Variants in ANK2 observed in about 807,000 individuals in gnomAD.
ANK2 encodes ankyrin 2.
Under a neutral mutation model 360.5 loss-of-function variants are expected in ANK2, and 83 were observed. The observed-to-expected ratio is 0.23, with a 90% CI of 0.19 to 0.28. The LOEUF is 0.28. ANK2 is among the 10% of genes least tolerant of loss of function. The probability of loss-of-function intolerance (pLI) is 1.00; values close to 1 mark genes in which losing one functional copy is unlikely to be tolerated. For synonymous variants in ANK2, 1,740 were observed against 1,759.5 expected (o/e 0.99, Z 0.28); for missense variants, 4,201 against 4,795.7 (o/e 0.88, Z 3.66).
chr4:113,190,984 G>A (rs1249484615), intron 2 of ANK2, among the ~76,000 whole-genome samples: 3 of 152,098 alleles, frequency 2.0e-5, no homozygotes, highest in Admixed American at 6.6e-5. Context: ...ATTTACCTAT[G>A]TAATCTTATA....
chr4:112,983,378 TAAA>T (rs55756054), intron 2 of ANK2, among the ~76,000 whole-genome samples: 5 of 143,298 alleles, frequency 3.5e-5, no homozygotes, highest in Admixed American at 7.0e-5. Flanking sequence ...ATTATTGGGT[TAAA>T]AAAAAAAAAA....
chr4:112,873,802 A>G (rs892596164), intron 1 of ANK2, among the ~76,000 whole-genome samples: 1 of 151,070 alleles, frequency 6.6e-6, no homozygotes, highest in African/African-American at 2.4e-5. Context: ...TCAGCCTCCC[A>G]AAGTGCTGGG....
At position 113,357,351 on chromosome 4, in the gene ANK2, T is replaced by C. The variant is rs1303684517; in HGVS notation, c.8733T>C (p.Ser2911=). The C allele has an allele frequency of 2.5e-6, 4 of 1,613,982 alleles. No homozygotes were observed. Among genetic ancestry groups the C allele is most frequent in the African/African-American group, 2.7e-5 (2 of 74,926 alleles). Residue 2911 remains serine, a synonymous_variant, in exon 38 of 46, where the codon TCT becomes TCC. Coordinates refer to ENST00000357077, the MANE Select transcript of ANK2 (RefSeq NM_001148.6). ...GATTTTCCATGGATGTTCCCGTGTC[T>C]GACCTAGCTGAGAATGATGAAATCT... ...TDRFSMDVPV[S]DLAENDEIYD...
chr4:113,061,203 T>C (rs573668526), intron 1 of ANK2, among the ~76,000 whole-genome samples: 1 of 152,106 alleles, frequency 6.6e-6, no homozygotes, highest in African/African-American at 2.4e-5. Flanking sequence ...GTGGCTTCCA[T>C]GTTTGATTTG....
intron 18 of ANK2, 122 bp downstream of exon 18, chr4:113,282,994 A>G (rs1473906055): frequency 2.7e-6 from 3 of 1,093,506 alleles, no homozygotes; most frequent in Non-Finnish European, 4.1e-6. Flanking sequence ...TATCTTACAG[A>G]CCCCAAGGAC....
intron 1 of ANK2, among the ~76,000 whole-genome samples, chr4:113,127,807 T>C (rs2095756821): frequency 6.6e-6 from 1 of 152,088 alleles, no homozygotes; most frequent in Non-Finnish European, 1.5e-5. Context: ...AGTGTCAAGG[T>C]CACCCAGAAG....
At chr4:112,874,160 C>A (rs1045713120) in intron 1 of ANK2, among the ~76,000 whole-genome samples, 11 of 147,378 alleles carry the variant, frequency 7.5e-5, no homozygotes, top group Non-Finnish European at 1.5e-4. Context: ...CGGCTCACTG[C>A]AACCTCCGCC....
intron 2 of ANK2, among the ~76,000 whole-genome samples, chr4:113,043,183 T>C (rs898297537): frequency 1.2e-4 from 18 of 152,230 alleles, no homozygotes; most frequent in Admixed American, 3.3e-4. Context: ...TTGCTGATGC[T>C]GATGGTGTAA....
At chr4:112,767,514 T>C in the ANK2 span, among the ~76,000 whole-genome samples, 1 of 151,862 alleles carries the variant, frequency 6.6e-6, no homozygotes, top group Admixed American at 6.6e-5. Flanking sequence ...TGAGCTGAGA[T>C]TGTGTCACTG....
At chr4:112,750,510 C>T in the ANK2 span, among the ~76,000 whole-genome samples, 1 of 151,954 alleles carries the variant, frequency 6.6e-6, no homozygotes, top group East Asian at 1.9e-4. Flanking sequence ...CAGTTTGTAG[C>T]CTAGGAGCAA....
At chr4:112,826,730 C>A in intron 1 of ANK2, 1 of 833,852 alleles carries the variant, frequency 1.2e-6, no homozygotes, top group Non-Finnish European at 2.0e-6. Flanking sequence ...TAATACCTAC[C>A]AGTCAGTTTC....
At chr4:113,271,310 C>T (rs1018623900) in intron 14 of ANK2, among the ~76,000 whole-genome samples, 6 of 152,196 alleles carry the variant, frequency 3.9e-5, no homozygotes, top group Non-Finnish European at 8.8e-5. Context: ...GATAAGAAGA[C>T]CAGCAGCCCT....
intron 43 of ANK2, 59 bp from the exon 44 acceptor site, chr4:113,373,031 A>C: frequency 7.5e-7 from 1 of 1,328,382 alleles, no homozygotes; most frequent in South Asian, 1.2e-5. Flanking sequence ...AGCACTTGGG[A>C]GTAGTTCCTC....
chr4:112,963,200 C>T (rs1021612926), intron 2 of ANK2, among the ~76,000 whole-genome samples: 10 of 152,198 alleles, frequency 6.6e-5, no homozygotes, highest in African/African-American at 2.2e-4. Flanking sequence ...ATAATTCTTT[C>T]TCTTTCAAAG....
the ANK2 span, among the ~76,000 whole-genome samples, chr4:112,750,085 T>C: frequency 3.9e-5 from 6 of 152,106 alleles, no homozygotes; most frequent in African/African-American, 1.4e-4. Context: ...TTTCATACTT[T>C]TTTTTCTTCT....
chr4:113,204,139 A>G (rs541992396), intron 4 of ANK2, among the ~76,000 whole-genome samples: 3 of 152,112 alleles, frequency 2.0e-5, no homozygotes, highest in Non-Finnish European at 4.4e-5. Flanking sequence ...GATACTTATT[A>G]TTAATATATT....
chr4:113,314,367 A>G (rs1202826372), intron 24 of ANK2, among the ~76,000 whole-genome samples: 3 of 152,212 alleles, frequency 2.0e-5, no homozygotes, highest in African/African-American at 7.2e-5. Flanking sequence ...AGTAATTATT[A>G]TACTTTTCAA....
At chr4:112,856,722 C>T (rs1157895244) in intron 1 of ANK2, among the ~76,000 whole-genome samples, 1 of 152,008 alleles carries the variant, frequency 6.6e-6, no homozygotes, top group African/African-American at 2.4e-5. Context: ...AGCGAGACTC[C>T]GTCTCAAAAA....
Position 113,240,535 on chromosome 4 carries a change from G to A in ANK2, c.744G>A (p.Val248=), listed in dbSNP as rs201208094. 19 of 1,613,922 alleles carry A rather than the reference G, an allele frequency of 1.2e-5. No individual in the cohort carries two copies. In the Admixed American group the frequency reaches 2.5e-4, roughly 21 times the overall value. Residue 248 remains valine, a synonymous_variant, in exon 8 of 46, where the codon GTG becomes GTA. Transcript: ENST00000357077. ...CTGCACATTACGGAAATGTCAACGT[G>A]GCAACTCTTCTTCTAAACCGGGGAG... ...HIAAHYGNVN[V]ATLLLNRGAA...
Sources: allele counts gnomAD v4.1 joint callset (sites outside exome capture counted in the v4.1 genomes callset), GRCh38; gene constraint gnomAD v4.1.1; transcripts MANE v1.5; gene names NCBI Gene and HGNC (gene_info 2026-07-23, HGNC 2026-07-21).